The following ARHGAP4 variants were observed in gnomAD, a reference collection of about 807,000 sequenced individuals.
The protein encoded by ARHGAP4 is rho GTPase-activating protein 4.
Under a neutral mutation model 67.6 loss-of-function variants are expected in ARHGAP4, and 25 were observed. The ratio of observed to expected loss-of-function variants is 0.37; its 90% CI spans 0.27 to 0.52. The LOEUF (loss-of-function observed/expected upper bound fraction) is 0.52, where lower values mean the gene tolerates loss of function less well. Ranked by LOEUF, ARHGAP4 falls within the 20% of genes least tolerant of loss-of-function variation. The pLI, the probability that ARHGAP4 is intolerant of heterozygous loss-of-function variation, is 0.92. For synonymous variants in ARHGAP4, 448 were observed against 373.7 expected, an observed-to-expected ratio of 1.20 and a Z score of -2.29; for missense variants, 804 against 854.6, an observed-to-expected ratio of 0.94 and a Z score of 0.74.
At chrX:153,916,528 C>G (rs1400326399) in intron 7 of ARHGAP4, among the ~76,000 whole-genome samples, 7 of 113,139 alleles carry the variant, frequency 6.2e-5, no homozygotes, top group Middle Eastern at 4.2e-3. Context: ...CCTCTCACCC[C>G]CTCTCCTCCC....
chrX:153,908,431 C>G (rs1171864575), intron 21 of ARHGAP4, among the ~76,000 whole-genome samples: 3 of 112,244 alleles, frequency 2.7e-5, no homozygotes, highest in Non-Finnish European at 5.6e-5. Flanking sequence ...CTTGGGCTCT[C>G]TCCTCCTTGG....
intron 13 of ARHGAP4, 27 bp from the exon 14 acceptor site, chrX:153,911,026 C>T: frequency 8.6e-7 from 1 of 1,165,046 alleles, no homozygotes; most frequent in Non-Finnish European, 1.1e-6. Context: ...AGCTGGTGGG[C>T]ACTGAGCATC....
intron 7 of ARHGAP4, among the ~76,000 whole-genome samples, chrX:153,915,228 TG>T (rs2065048129): frequency 1.0e-4 from 7 of 69,169 alleles, no homozygotes; most frequent in Non-Finnish European, 1.7e-4. Context: ...GTGCCAGGGC[TG>T]GGGGGTGGGG....
At chrX:153,925,210 G>A (rs1557105936) in intron 1 of ARHGAP4, among the ~76,000 whole-genome samples, 2 of 111,932 alleles carry the variant, frequency 1.8e-5, no homozygotes, top group East Asian at 5.6e-4. Context: ...TTTTCCAAAG[G>A]AGGACTGGAG....
Position 153,921,592 on chromosome X carries a change from G to GCACATCACCTAC in ARHGAP4, c.272+1_272+12dup. 1 of 1,208,350 alleles carries GCACATCACCTAC rather than the reference G, an allele frequency of 8.3e-7. No individual in the cohort carries two copies. Among genetic ancestry groups the GCACATCACCTAC allele is most frequent in the Non-Finnish European group, 1.1e-6 (1 of 893,797 alleles). On this transcript the variant is annotated intron_variant, in intron 2 of 21. Transcript: ENST00000350060. ...GGGCCCTGCCGTGGCCCCCCTGCCA[G>GCACATCACCTAC]CACATCACCTACCGGAAGCTTTGGT...
Position 153,909,632 on chromosome X carries a change from C to G in ARHGAP4, c.2415-97G>C, listed in dbSNP as rs781926143. 2.8e-6 allele frequency: 3 copies of G among 1,078,056 alleles called. No individual in the cohort carries two copies. In the East Asian group the frequency reaches 9.7e-5, roughly 35 times the overall value. 88.8% of individuals were successfully genotyped at this position (1,078,056 alleles called of 1,213,427 possible). A position where few individuals can be genotyped will look rare whatever the true frequency, so the allele number is the denominator to read the frequency against. ...CCAGCCAGGAGTGGTCAGAGAGGCT[C>G]TGTTCTCTGGCCCAGCCCAGACCTT... On this transcript the variant is annotated intron_variant, in intron 19 of 21. Transcript: ENST00000350060.
At chrX:153,911,096 C>A (rs2065017753) in intron 13 of ARHGAP4, 33 bp downstream of exon 13, 1 of 1,166,394 alleles carries the variant, frequency 8.6e-7, no homozygotes, top group South Asian at 1.9e-5. Context: ...GTGCTGGGTG[C>A]CAGGACATCG....
chrX:153,923,227 C>A (rs992060452), intron 1 of ARHGAP4, among the ~76,000 whole-genome samples: 2 of 110,739 alleles, frequency 1.8e-5, no homozygotes, highest in African/African-American at 3.3e-5. Flanking sequence ...CTAGTCCAGG[C>A]AAAAGACGGC....
At chrX:153,925,002 G>A (rs2065118064) in intron 1 of ARHGAP4, among the ~76,000 whole-genome samples, 1 of 111,983 alleles carries the variant, frequency 8.9e-6, no homozygotes, top group Non-Finnish European at 1.9e-5. Context: ...AGACAGTCGT[G>A]CTCGAAACCC....
At position 153,909,846 on chromosome X, in the gene ARHGAP4, C is replaced by G. The variant is rs782520378; in HGVS notation, c.2309G>C (p.Gly770Ala). The change falls in exon 19 of 22, where the codon GGG becomes GCG. Residue 770 changes from glycine to alanine, a missense_variant. Physicochemically the swap from Gly to Ala is moderately conservative, Grantham distance 60. Transcript: ENST00000350060. ...RTAQELSFRR[G>A]DVLRLHERAS... is the part of the protein sequence containing the mutation. The stretch of plus-strand genomic sequence containing the variant: ...CCTCTCGTGCAGCCGCAGTACGTCC[C>G]CCCGCCGGAAGCTCAGCTCCTGGGC... 1.7e-6 allele frequency: 2 copies of G among 1,202,769 alleles called. No individual in the cohort carries two copies. The highest frequency in any genetic ancestry group is 2.2e-5 in the Admixed American group (1 of 45,031).
At chrX:153,922,148 C>G in intron 1 of ARHGAP4, 31 of 929,813 alleles carry the variant, frequency 3.3e-5, no homozygotes, top group Non-Finnish European at 4.1e-5. Flanking sequence ...TCCTGTCTCT[C>G]CCTCGTTCCT....
intron 1 of ARHGAP4, among the ~76,000 whole-genome samples, chrX:153,923,027 G>A (rs1443243710): frequency 1.8e-5 from 2 of 111,053 alleles, no homozygotes; most frequent in African/African-American, 6.6e-5. Context: ...GGCTGGAGCT[G>A]GCTGTACGTG....
intron 4 of ARHGAP4, 118 bp from the exon 5 acceptor site, chrX:153,920,926 C>T: frequency 9.7e-7 from 1 of 1,030,598 alleles, no homozygotes; most frequent in Non-Finnish European, 1.3e-6. Context: ...CCCATGTGAG[C>T]ACTTAGCCTA....
intron 7 of ARHGAP4, 149 bp downstream of exon 7, chrX:153,918,683 A>C (rs915427286): frequency 3.2e-6 from 2 of 632,688 alleles, no homozygotes; most frequent in Non-Finnish European, 4.9e-6. Context: ...TGAGGCTGCA[A>C]ATGGAAGTGG....
chrX:153,915,482 A>C (rs1557104164), intron 7 of ARHGAP4, among the ~76,000 whole-genome samples: 1 of 111,860 alleles, frequency 8.9e-6, no homozygotes, highest in Non-Finnish European at 1.9e-5. Flanking sequence ...AGGCGGGTGG[A>C]TCACTTGAGC....
chrX:153,911,512 T>C (rs1369478423), intron 12 of ARHGAP4, among the ~76,000 whole-genome samples: 2 of 112,257 alleles, frequency 1.8e-5, no homozygotes, highest in East Asian at 2.8e-4. Flanking sequence ...AGGTGTCTGA[T>C]ATTTTTGATG....
intron 12 of ARHGAP4, among the ~76,000 whole-genome samples, 197 bp from the exon 13 acceptor site, chrX:153,911,386 T>C (rs2065020114): frequency 9.3e-6 from 1 of 107,825 alleles, no homozygotes; most frequent in Non-Finnish European, 1.9e-5. Context: ...AGCTCCCCAA[T>C]GGTGGGATTA....
At chrX:153,911,336 T>C in intron 12 of ARHGAP4, 147 bp from the exon 13 acceptor site, 1 of 517,868 alleles carries the variant, frequency 1.9e-6, no homozygotes, top group Non-Finnish European at 3.0e-6. Flanking sequence ...CGGCTCACTG[T>C]AGCCTCAGCT....
Position 153,909,819 on chromosome X carries a change from G to A in ARHGAP4, c.2336C>T (p.Ala779Val), listed in dbSNP as rs1557102372. The A allele has an allele frequency of 8.3e-7, 1 of 1,201,870 alleles. No homozygotes were observed. Among genetic ancestry groups the A allele is most frequent in the South Asian group, 1.8e-5 (1 of 55,567 alleles). ...RGDVLRLHER[A>V]SSDWWRGEHN... is the part of the protein sequence containing the mutation. Reference sequence around the variant, plus strand: ...CTCCCCCCGCCACCAGTCGCTCGAGGCCCTCTCGTGCAGCCGCAGTACGTC... The same window carrying A: ...CTCCCCCCGCCACCAGTCGCTCGAGACCCTCTCGTGCAGCCGCAGTACGTC... Residue 779 changes from alanine to valine, a missense_variant, in exon 19 of 22, where the codon GCC (alanine) becomes GTC (valine). Transcript: ENST00000350060.
Sources: gnomAD v4.1 joint callset for allele counts (sites outside exome capture counted in the v4.1 genomes callset) on GRCh38, gnomAD v4.1.1 for gene constraint, MANE v1.5 for transcripts, NCBI Gene and HGNC (gene_info 2026-07-23, HGNC 2026-07-21) for gene names.